TTC7A: variants seen among roughly 807,000 people sequenced by gnomAD.
TTC7A encodes the protein tetratricopeptide repeat domain 7A.
Under a neutral mutation model 103.7 loss-of-function variants are expected in TTC7A, and 110 were observed. That is an observed-to-expected ratio of 1.06 (90% CI 0.91 to 1.24). The LOEUF (loss-of-function observed/expected upper bound fraction) is 1.24, where lower values mean the gene tolerates loss of function less well. Ranked by LOEUF, TTC7A falls within the 50% of genes most tolerant of loss-of-function variation. The pLI, the probability that TTC7A is intolerant of heterozygous loss-of-function variation, is 0.00. For synonymous variants in TTC7A, 521 were observed against 467.9 expected, an observed-to-expected ratio of 1.11 and a Z score of -1.47; for missense variants, 1,340 against 1,116.3, an observed-to-expected ratio of 1.20 and a Z score of -2.86.
At chr2:47,021,689 A>G (rs1445626666) in intron 11 of TTC7A, among the ~76,000 whole-genome samples, 173 bp from the exon 12 acceptor site, 1 of 152,222 alleles carries the variant, frequency 6.6e-6, no homozygotes, top group Non-Finnish European at 1.5e-5. Context: ...CTCTCAGCAG[A>G]ACAAAATTTG....
chr2:46,947,337 T>G (rs551665719), intron 1 of TTC7A, among the ~76,000 whole-genome samples: 1 of 152,320 alleles, frequency 6.6e-6, no homozygotes, highest in East Asian at 1.9e-4. Flanking sequence ...ATACTAAGCC[T>G]TCAACAAATA....
chr2:46,970,371 A>G (rs1187822582), intron 3 of TTC7A, among the ~76,000 whole-genome samples: 1 of 152,188 alleles, frequency 6.6e-6, no homozygotes. Flanking sequence ...GGAAGGAACA[A>G]ATGCCACACA....
intron 14 of TTC7A, among the ~76,000 whole-genome samples, chr2:47,026,742 T>C (rs980122792): frequency 6.6e-6 from 1 of 152,206 alleles, no homozygotes; most frequent in African/African-American, 2.4e-5. Context: ...GTTCCACCAG[T>C]ACTTTGCAAG....
intron 14 of TTC7A, among the ~76,000 whole-genome samples, chr2:47,026,297 C>T (rs1679908981): frequency 6.6e-6 from 1 of 152,230 alleles, no homozygotes; most frequent in South Asian, 2.1e-4. Context: ...GCAGAGTCAC[C>T]AGCACAGGAG....
chr2:46,932,746 C>T (rs1158497759), intron 2 of TTC7A, among the ~76,000 whole-genome samples: 1 of 151,404 alleles, frequency 6.6e-6, no homozygotes, highest in Non-Finnish European at 1.5e-5. Flanking sequence ...GCTAAAGATA[C>T]AAAAATTAGC....
chr2:47,002,159 A>G (rs948461960), intron 8 of TTC7A, among the ~76,000 whole-genome samples: 1 of 152,234 alleles, frequency 6.6e-6, no homozygotes, highest in Non-Finnish European at 1.5e-5. Flanking sequence ...CCCTAGGAGA[A>G]CAGCCGGAAG....
Position 47,074,267 on chromosome 2 carries a change from A to T in TTC7A, c.*344A>T. On this transcript the variant is annotated 3_prime_UTR_variant, in exon 20 of 20. Coordinates refer to ENST00000319190, the MANE Select transcript of TTC7A (RefSeq NM_020458.4). ...CTTGGAGTCTGGGTGGGGGGTTCTC[A>T]CTCCCCACTCTCAGCACAGTACAGA... 5 of 328,414 alleles carry T rather than the reference A, an allele frequency of 1.5e-5. No individual in the cohort carries two copies. Among genetic ancestry groups the T allele is most frequent in the South Asian group, 3.6e-5 (1 of 28,164 alleles). 20.3% of individuals were successfully genotyped at this position (328,414 alleles called of 1,614,324 possible). A position where few individuals can be genotyped will look rare whatever the true frequency, so the allele number is the denominator to read the frequency against.
chr2:46,997,699 G>C (rs1261112778), intron 8 of TTC7A, among the ~76,000 whole-genome samples: 2 of 152,108 alleles, frequency 1.3e-5, no homozygotes, highest in Non-Finnish European at 2.9e-5. Context: ...TTGTTCTTAA[G>C]TGTAAAAGGC....
At chr2:46,950,859 AAATT>A (rs1353324155) in intron 2 of TTC7A, among the ~76,000 whole-genome samples, 1 of 152,244 alleles carries the variant, frequency 6.6e-6, no homozygotes, top group Non-Finnish European at 1.5e-5. Flanking sequence ...CATGTTATTA[AAATT>A]AATTTCACCT....
chr2:46,979,903 C>T (rs1674266213), intron 5 of TTC7A, among the ~76,000 whole-genome samples: 1 of 152,176 alleles, frequency 6.6e-6, no homozygotes, highest in South Asian at 2.1e-4. Context: ...CCCATAGGTG[C>T]CAAGCGCAGC....
intron 5 of TTC7A, among the ~76,000 whole-genome samples, chr2:46,982,713 C>T (rs1357250079): frequency 6.6e-6 from 1 of 152,118 alleles, no homozygotes; most frequent in African/African-American, 2.4e-5. Flanking sequence ...CCTGTAATTC[C>T]ACAGCTTTGG....
intron 15 of TTC7A, among the ~76,000 whole-genome samples, chr2:47,032,859 CAAAAAAAAAAA>C (rs10586448): frequency 1.6e-4 from 14 of 87,990 alleles, no homozygotes; most frequent in Admixed American, 3.8e-4. Context: ...TTGTTTTAAG[CAAAAAAAAAAA>C]AAAAAAAAAA....
At chr2:47,017,154 C>G (rs905748575) in intron 11 of TTC7A, among the ~76,000 whole-genome samples, 1 of 136,720 alleles carries the variant, frequency 7.3e-6, no homozygotes, top group Non-Finnish European at 1.5e-5. Flanking sequence ...GAGTCAAGAT[C>G]ATGCCACTGC....
chr2:47,042,312 G>A (rs924837153), intron 15 of TTC7A, among the ~76,000 whole-genome samples: 1 of 152,142 alleles, frequency 6.6e-6, no homozygotes, highest in African/African-American at 2.4e-5. Flanking sequence ...GACCAGCCTA[G>A]GCAACATAGT....
intron 3 of TTC7A, among the ~76,000 whole-genome samples, chr2:46,957,829 G>A (rs144851176): frequency 1.1e-4 from 16 of 152,190 alleles, no homozygotes; most frequent in Non-Finnish European, 2.1e-4. Context: ...CGTCTCCCTA[G>A]TGCAGCACAA....
intron 12 of TTC7A, among the ~76,000 whole-genome samples, chr2:47,022,887 G>A (rs371409866): frequency 3.9e-5 from 6 of 152,206 alleles, no homozygotes; most frequent in Admixed American, 2.0e-4. Context: ...CTTGGTCCTC[G>A]CCAGTGGGAT....
chr2:47,008,010 G>A (rs1027407654), intron 10 of TTC7A, among the ~76,000 whole-genome samples: 9 of 152,236 alleles, frequency 5.9e-5, no homozygotes, highest in Non-Finnish European at 8.8e-5. Flanking sequence ...TGGAAAAGAC[G>A]AGCTGGCCGT....
At chr2:47,051,342 A>C (rs1191116642) in intron 17 of TTC7A, among the ~76,000 whole-genome samples, 1 of 152,094 alleles carries the variant, frequency 6.6e-6, no homozygotes, top group African/African-American at 2.4e-5. Flanking sequence ...ATCTTTCTAC[A>C]TTGATATCTG....
intron 2 of TTC7A, 37 bp downstream of exon 2, chr2:46,950,563 C>G: frequency 6.2e-7 from 1 of 1,607,742 alleles, no homozygotes; most frequent in Non-Finnish European, 8.5e-7. Flanking sequence ...ACCTCCTCTC[C>G]TCGTCTGTCT....
Sources: allele counts gnomAD v4.1 joint callset (sites outside exome capture counted in the v4.1 genomes callset), GRCh38; gene constraint gnomAD v4.1.1; transcripts MANE v1.5; gene names NCBI Gene and HGNC (gene_info 2026-07-23, HGNC 2026-07-21).